CASK: variants seen among roughly 807,000 people sequenced by gnomAD.
The protein encoded by CASK is calcium/calmodulin dependent serine protein kinase, also known as peripheral plasma membrane protein CASK.
Under a neutral mutation model 82.9 loss-of-function variants are expected in CASK, and 4 were observed. The ratio of observed to expected loss-of-function variants is 0.05; its 90% CI spans 0.02 to 0.11. The LOEUF is 0.11. Among genes scored for constraint, CASK ranks in the 10% least tolerant of loss-of-function variants. The pLI, the probability that CASK is intolerant of heterozygous loss-of-function variation, is 1.00. For missense variants in CASK, 358 were observed against 720.9 expected (o/e 0.50, Z 5.76); for synonymous variants, 259 against 253.5 (o/e 1.02, Z -0.20).
At chrX:41,529,169 G>C (rs762660653) in intron 25 of CASK, among the ~76,000 whole-genome samples, 20 of 111,939 alleles carry the variant, frequency 1.8e-4, no homozygotes, top group Non-Finnish European at 3.4e-4. Flanking sequence ...CAGGAGAGAA[G>C]AGTGCAGGTG....
At chrX:41,685,636 C>T (rs2067428397) in intron 5 of CASK, among the ~76,000 whole-genome samples, 1 of 111,107 alleles carries the variant, frequency 9.0e-6, no homozygotes, top group Admixed American at 9.6e-5. Flanking sequence ...TATGTGCCAC[C>T]ACACCCGGCT....
intron 5 of CASK, among the ~76,000 whole-genome samples, chrX:41,706,644 TACATATAC>T (rs982617379): frequency 2.7e-5 from 3 of 112,014 alleles, no homozygotes; most frequent in African/African-American, 9.7e-5. Context: ...ATATTATATA[TACATATAC>T]ACATATACTT....
intron 12 of CASK, among the ~76,000 whole-genome samples, chrX:41,590,458 C>T (rs1456102064): frequency 1.1e-5 from 1 of 90,137 alleles, no homozygotes; most frequent in Admixed American, 1.4e-4. Context: ...TGCAGTGGGC[C>T]GAGATCACAC....
In CASK at chrX:41,864,099, T is replaced by C. The variant is rs2071543590; in HGVS notation, c.60-10872A>G. ...ACTTCTGTGGAATACCGTTAATCTC[T>C]TCTCATTTAAAACCATGTTTTAAAG... On this transcript the variant is annotated intron_variant, in intron 1 of 26. Transcript: ENST00000378163. Among the ~76,000 whole-genome samples the C allele has an allele frequency of 3.6e-5, 4 of 111,624 alleles. No homozygotes were observed. In the South Asian group the frequency reaches 1.5e-3, roughly 42 times the overall value.
At chrX:41,550,630 C>T (rs908435943) in intron 21 of CASK, among the ~76,000 whole-genome samples, 13 of 109,760 alleles carry the variant, frequency 1.2e-4, no homozygotes, top group Non-Finnish European at 2.3e-4. Context: ...GGCGTGGTAG[C>T]TCACACTTGT....
chrX:41,842,943 C>T (rs949970325), intron 2 of CASK, among the ~76,000 whole-genome samples: 2 of 111,668 alleles, frequency 1.8e-5, no homozygotes, highest in African/African-American at 6.5e-5. Context: ...AATGGAATTG[C>T]TTTCTTAACT....
At chrX:41,689,271 G>C (rs774468444) in intron 5 of CASK, among the ~76,000 whole-genome samples, 2 of 111,661 alleles carry the variant, frequency 1.8e-5, no homozygotes, top group South Asian at 3.7e-4. Context: ...AAATGAGACT[G>C]TCTTTTTAGT....
intron 12 of CASK, among the ~76,000 whole-genome samples, chrX:41,596,574 A>G (rs1294815111): frequency 1.8e-5 from 2 of 112,554 alleles, no homozygotes; most frequent in African/African-American, 6.5e-5. Flanking sequence ...AAGAATGTTA[A>G]TAAATTATCC....
At chrX:41,759,285 C>T (rs932499929) in intron 3 of CASK, among the ~76,000 whole-genome samples, 3 of 111,491 alleles carry the variant, frequency 2.7e-5, no homozygotes, top group Non-Finnish European at 5.6e-5. Flanking sequence ...TTTCTCAACA[C>T]TATTTAAAAA....
intron 21 of CASK, among the ~76,000 whole-genome samples, chrX:41,550,557 T>A (rs184030756): frequency 3.6e-5 from 4 of 110,443 alleles, no homozygotes; most frequent in African/African-American, 1.3e-4. Flanking sequence ...GTCATTAACA[T>A]TTTTTTTCTG....
At chrX:41,814,069 C>T (rs1356820698) in intron 2 of CASK, among the ~76,000 whole-genome samples, 2 of 111,962 alleles carry the variant, frequency 1.8e-5, no homozygotes, top group Admixed American at 1.9e-4. Context: ...GTTAGAATGG[C>T]AATCATTAAA....
chrX:41,921,073 T>C (rs1454372587), intron 1 of CASK, among the ~76,000 whole-genome samples: 1 of 112,126 alleles, frequency 8.9e-6, no homozygotes, highest in Non-Finnish European at 1.9e-5. Context: ...ACTGGGCACC[T>C]GAAACGTGGC....
rs1414552935 is a variant in CASK, at chrX:41,515,218, A to G, written c.*5202T>C. ...CATGTAAATAGATACACACAGAGAG[A>G]AAGAAAAGCAGGACATTTACAAAGA... On this transcript the variant is annotated 3_prime_UTR_variant, in exon 27 of 27. Coordinates refer to ENST00000378163, the MANE Select transcript of CASK (RefSeq NM_001367721.1). 3 of 112,234 alleles carry G rather than the reference A, an allele frequency of 2.7e-5. No homozygotes were observed. The highest frequency in any genetic ancestry group is 9.5e-5 in the Admixed American group (1 of 10,559). 9.2% of individuals were successfully genotyped at this position (112,234 alleles called of 1,213,427 possible). A position where few individuals can be genotyped will look rare whatever the true frequency, so the allele number is the denominator to read the frequency against.
intron 15 of CASK, among the ~76,000 whole-genome samples, chrX:41,574,119 C>T (rs1483712703): frequency 9.0e-6 from 1 of 111,000 alleles, no homozygotes; most frequent in African/African-American, 3.3e-5. Flanking sequence ...CTGCTGAATA[C>T]TTGAGGGAGA....
At chrX:41,729,781 AATATATAT>A (rs55635208) in intron 5 of CASK, 30 of 38,790 alleles carry the variant, frequency 7.7e-4, no homozygotes, top group Non-Finnish European at 7.3e-4. Context: ...AAAAAAAAAA[AATATATAT>A]ATATATATAT....
chrX:41,594,357 C>T (rs1450805032), intron 12 of CASK, among the ~76,000 whole-genome samples: 1 of 112,177 alleles, frequency 8.9e-6, no homozygotes, highest in Non-Finnish European at 1.9e-5. Flanking sequence ...CACCCTCCCT[C>T]ATACAAAGTG....
chrX:41,676,264 C>T (rs2067263662), intron 5 of CASK: 1 of 1,189,174 alleles, frequency 8.4e-7, no homozygotes, highest in Non-Finnish European at 1.1e-6. Context: ...CTCGAGCCAT[C>T]TGCTGTTTTT....
At position 41,710,412 on chromosome X, in the gene CASK, C is replaced by G. The variant is rs773156692; in HGVS notation, c.429+28972G>C. On this transcript the variant is annotated intron_variant, in intron 5 of 26. Transcript: ENST00000378163. ...CCTGTCTGCTTTTCAACTACCACCC[C>G]TGAAATGATTCCAGTTCTTATGACT... 5.4e-5 allele frequency among the ~76,000 whole-genome samples: 6 copies of G among 111,087 alleles called. No individual in the cohort carries two copies. The South Asian group carries it at 1.9e-3, about 35-fold the overall frequency.
intron 3 of CASK, among the ~76,000 whole-genome samples, chrX:41,780,387 T>C (rs942666385): frequency 1.2e-4 from 13 of 111,860 alleles, no homozygotes; most frequent in African/African-American, 3.2e-4. Flanking sequence ...AGCCTTTATG[T>C]TGTATTACCC....
Sources: allele counts gnomAD v4.1 joint callset (sites outside exome capture counted in the v4.1 genomes callset), GRCh38; gene constraint gnomAD v4.1.1; transcripts MANE v1.5; gene names NCBI Gene and HGNC (gene_info 2026-07-23, HGNC 2026-07-21).